The following ACO1 variants were observed in gnomAD, a reference collection of about 807,000 sequenced individuals.
The protein encoded by ACO1 is cytoplasmic aconitate hydratase.
In ACO1, 78 loss-of-function variants were observed where a neutral mutation model predicts 105.1. The observed-to-expected ratio is 0.74, with a 90% CI of 0.62 to 0.90. ACO1 has a LOEUF of 0.90. ACO1 is among the 40% of genes least tolerant of loss of function. ACO1 has a pLI of 0.00. For synonymous variants in ACO1, 364 were observed against 397.4 expected, an observed-to-expected ratio of 0.92 and a Z score of 1.00; for missense variants, 965 against 1,111.1, an observed-to-expected ratio of 0.87 and a Z score of 1.87.
chr9:32,429,798 G>A (rs1822185797), intron 13 of ACO1, among the ~76,000 whole-genome samples: 1 of 152,180 alleles, frequency 6.6e-6, no homozygotes, highest in Non-Finnish European at 1.5e-5. Context: ...TGGCACTCAA[G>A]TGCTCAGTAC....
intron 1 of ACO1, among the ~76,000 whole-genome samples, chr9:32,390,076 G>T (rs534773525): frequency 6.6e-6 from 1 of 152,306 alleles, no homozygotes; most frequent in African/African-American, 2.4e-5. Context: ...GGGATTACAG[G>T]CATGAGCCAC....
In ACO1 at chr9:32,408,601, C is replaced by A. The variant is rs1587524288; in HGVS notation, c.354C>A (p.Cys118Ter). 6.2e-7 allele frequency: 1 copy of A among 1,614,158 alleles called. No individual in the cohort carries two copies. The highest frequency in any genetic ancestry group is 1.3e-5 in the African/African-American group (1 of 75,048). ...ATCCAGAGAAAATAAACCCTGTCTG[C>A]CCTGCTGATCTTGTAATAGATCATT... ...GGDPEKINPV[C>*]PADLVIDHSI... The change falls in exon 4 of 21, where the codon TGC becomes TGA. Residue 118 changes from cysteine to a stop codon, truncating the protein, a stop_gained. Coordinates refer to ENST00000309951, the MANE Select transcript of ACO1 (RefSeq NM_002197.3). LOFTEE classifies it high-confidence loss of function.
At chr9:32,404,783 C>G (rs1004034509) in intron 1 of ACO1, among the ~76,000 whole-genome samples, 2 of 152,210 alleles carry the variant, frequency 1.3e-5, no homozygotes, top group African/African-American at 4.8e-5. Flanking sequence ...AAGTGCCTCA[C>G]CTGGTGGCAC....
At chr9:32,404,035 ACTT>A (rs1821553588) in intron 1 of ACO1, among the ~76,000 whole-genome samples, 1 of 151,862 alleles carries the variant, frequency 6.6e-6, no homozygotes, top group Admixed American at 6.6e-5. Flanking sequence ...AGATTTGTAA[ACTT>A]CTCCTTCTGC....
intron 1 of ACO1, among the ~76,000 whole-genome samples, chr9:32,394,624 G>T (rs1385729852): frequency 6.6e-6 from 1 of 152,226 alleles, no homozygotes; most frequent in Non-Finnish European, 1.5e-5. Context: ...CTGGGCTCTG[G>T]AGTCTGATGG....
chr9:32,436,181 C>A lies in ACO1; in HGVS notation c.2100-69C>A. 6.3e-7 allele frequency: 1 copy of A among 1,595,286 alleles called. No individual in the cohort carries two copies. Among genetic ancestry groups the A allele is most frequent in the South Asian group, 1.1e-5 (1 of 90,560 alleles). On this transcript the variant is annotated intron_variant, in intron 17 of 20. Transcript: ENST00000309951. ...TTGTTTTGTTTTGTTTTTTTCTTTT[C>A]TTGGTGTAAGCTAAGGTTAATCTTT...
chr9:32,449,040 A>G lies in ACO1; in HGVS notation c.2515A>G (p.Ile839Val), dbSNP rs781203555. The change falls in exon 20 of 21, where the codon ATT (isoleucine) becomes GTT (valine). Residue 839 changes from isoleucine to valine, a missense_variant. By Grantham distance (29) the Ile-to-Val change is conservative. Transcript: ENST00000309951. ...AGGGCAAGAACGATACACTATCATT[A>G]TTCCAGAAAACCTCAAACCACAAAT... is the stretch of plus-strand genomic sequence containing the variant. Reference protein sequence around the residue: ...LTGQERYTIIIPENLKPQMKV... With the variant: ...LTGQERYTIIVPENLKPQMKV... 11 of 1,611,512 alleles carry G rather than the reference A, an allele frequency of 6.8e-6. No individual in the cohort carries two copies. In the East Asian group the frequency reaches 2.5e-4, roughly 36 times the overall value.
At chr9:32,405,180 A>T (rs114793361) in intron 1 of ACO1, among the ~76,000 whole-genome samples, 2,272 of 152,300 alleles carry the variant, frequency 0.015, 66 homozygotes, top group African/African-American at 0.051. Flanking sequence ...TGCGCCCGTT[A>T]CCGGTACCTG....
At chr9:32,392,997 A>C (rs575250141) in intron 1 of ACO1, among the ~76,000 whole-genome samples, 3 of 152,200 alleles carry the variant, frequency 2.0e-5, no homozygotes, top group Non-Finnish European at 2.9e-5. Context: ...GCTGAGGAGG[A>C]TGTATGTCAC....
At chr9:32,408,436 C>A in intron 3 of ACO1, 78 bp from the exon 4 acceptor site, 1 of 1,540,536 alleles carries the variant, frequency 6.5e-7, no homozygotes, top group South Asian at 1.2e-5. Context: ...TCAATATTAT[C>A]AATGGAGGCA....
intron 1 of ACO1, among the ~76,000 whole-genome samples, chr9:32,401,090 A>G (rs567982426): frequency 6.6e-6 from 1 of 152,262 alleles, no homozygotes; most frequent in Non-Finnish European, 1.5e-5. Context: ...TATACGCAAT[A>G]TTATATCAGG....
At chr9:32,408,490 G>C in intron 3 of ACO1, 24 bp from the exon 4 acceptor site, 1 of 1,612,804 alleles carries the variant, frequency 6.2e-7, no homozygotes. Context: ...CTTATTTTCT[G>C]CATTATTCTC....
At position 32,407,124 on chromosome 9, in the gene ACO1, C is replaced by T. The variant is rs867516456; in HGVS notation, c.98-137C>T. Reference sequence around the variant, plus strand: ...CCATTAAATATCCATGTATTTTAAACTGTTGGTCACTTTACCCTCTTTCCT... The same window carrying T: ...CCATTAAATATCCATGTATTTTAAATTGTTGGTCACTTTACCCTCTTTCCT... On this transcript the variant is annotated intron_variant, in intron 2 of 20. Transcript: ENST00000309951. 1.0e-4 allele frequency: 80 copies of T among 769,536 alleles called. No homozygotes were observed. In the Middle Eastern group the frequency reaches 2.2e-3, roughly 21 times the overall value. 47.7% of individuals were successfully genotyped at this position (769,536 alleles called of 1,614,324 possible).
intron 4 of ACO1, among the ~76,000 whole-genome samples, chr9:32,413,888 G>C (rs901831651): frequency 4.6e-5 from 7 of 152,040 alleles, no homozygotes; most frequent in Non-Finnish European, 1.5e-5. Flanking sequence ...GGTGGCTCAT[G>C]CCTGTAATCC....
At chr9:32,431,310 G>A (rs1822230318) in intron 14 of ACO1, among the ~76,000 whole-genome samples, 1 of 152,150 alleles carries the variant, frequency 6.6e-6, no homozygotes, top group Non-Finnish European at 1.5e-5. Flanking sequence ...TCTACGTAGT[G>A]CCATGCTTTT....
intron 1 of ACO1, among the ~76,000 whole-genome samples, chr9:32,393,065 T>G (rs1024548688): frequency 6.6e-6 from 1 of 152,178 alleles, no homozygotes; most frequent in Non-Finnish European, 1.5e-5. Flanking sequence ...GCATGTGTGT[T>G]TGAACAATAT....
intron 4 of ACO1, among the ~76,000 whole-genome samples, chr9:32,414,986 G>C (rs895984225): frequency 2.0e-5 from 3 of 152,034 alleles, no homozygotes; most frequent in Non-Finnish European, 4.4e-5. Context: ...GGAGTCTGTG[G>C]GTTTTTCAAG....
At chr9:32,398,876 T>C (rs894387107) in intron 1 of ACO1, among the ~76,000 whole-genome samples, 25 of 152,192 alleles carry the variant, frequency 1.6e-4, no homozygotes, top group Admixed American at 3.3e-4. Flanking sequence ...ATTACAGGCA[T>C]GAGCCACTGC....
intron 1 of ACO1, among the ~76,000 whole-genome samples, chr9:32,385,117 G>A (rs1296683455): frequency 6.6e-6 from 1 of 152,212 alleles, no homozygotes; most frequent in African/African-American, 2.4e-5. Flanking sequence ...GGCTGGATAG[G>A]GAAACCCTTG....
Sources: allele counts gnomAD v4.1 joint callset (sites outside exome capture counted in the v4.1 genomes callset), GRCh38; gene constraint gnomAD v4.1.1; transcripts MANE v1.5; gene names NCBI Gene and HGNC (gene_info 2026-07-23, HGNC 2026-07-21).